Variants in UBXN2A observed in about 807,000 individuals in gnomAD.
UBXN2A encodes UBX domain protein 2A, also known as UBX domain-containing protein 2A.
Under a neutral mutation model 28.4 loss-of-function variants are expected in UBXN2A, and 28 were observed. The observed-to-expected ratio is 0.99, with a 90% CI of 0.73 to 1.35. UBXN2A has a LOEUF of 1.35. Among genes scored for constraint, UBXN2A ranks in the 40% most tolerant of loss-of-function variants. The probability of loss-of-function intolerance (pLI) is 0.00; values close to 1 mark genes in which losing one functional copy is unlikely to be tolerated. For synonymous variants in UBXN2A, 97 were observed against 103.6 expected, an observed-to-expected ratio of 0.94 and a Z score of 0.39; for missense variants, 253 against 297.9, an observed-to-expected ratio of 0.85 and a Z score of 1.11.
At position 23,930,938 on chromosome 2, in the gene UBXN2A, G is replaced by A. The variant is rs1705347771; in HGVS notation, c.-138+3323G>A. 2.0e-5 allele frequency among the ~76,000 whole-genome samples: 3 copies of A among 152,140 alleles called. No individual in the cohort carries two copies. In the East Asian group the frequency reaches 5.8e-4, roughly 29 times the overall value. On this transcript the variant is annotated intron_variant, in intron 1 of 7. Coordinates refer to the UBXN2A transcript ENST00000404924. The stretch of plus-strand genomic sequence containing the variant: ...TTCCAGTGCTTTGGGAGGTCAAGGT[G>A]GGTGGATCATGAGATCAGGAGTTCA...
chr2:23,928,230 GAA>G, intron 1 of UBXN2A, among the ~76,000 whole-genome samples: 2 of 149,378 alleles, frequency 1.3e-5, no homozygotes, highest in African/African-American at 2.5e-5. Flanking sequence ...AGGAAAGAAA[GAA>G]AGAAAAAGAA....
intron 2 of UBXN2A, 22 bp from the exon 3 acceptor site, chr2:23,971,254 T>C (rs746093264): frequency 2.0e-6 from 3 of 1,524,348 alleles, no homozygotes; most frequent in Non-Finnish European, 8.9e-7. Flanking sequence ...TAATAGTGCC[T>C]GTTTTTCTTT....
chr2:23,927,637 G>T (rs1051065693), intron 1 of UBXN2A: 1 of 126,174 alleles, frequency 7.9e-6, no homozygotes, highest in Non-Finnish European at 1.7e-5. Flanking sequence ...AAGAGAAGGG[G>T]GGGGGGAAAC....
intron 1 of UBXN2A, among the ~76,000 whole-genome samples, chr2:23,934,365 C>T (rs909182285): frequency 6.6e-6 from 1 of 152,182 alleles, no homozygotes; most frequent in Non-Finnish European, 1.5e-5. Context: ...TTGCTAGTAG[C>T]CAATGTGTTG....
chr2:23,999,229 G>T (rs777530229), intron 6 of UBXN2A, among the ~76,000 whole-genome samples: 10 of 152,232 alleles, frequency 6.6e-5, no homozygotes, highest in South Asian at 4.2e-4. Context: ...TGATACAATT[G>T]TGACAGCCTC....
chr2:23,955,708 G>T (rs1431891096), intron 1 of UBXN2A, among the ~76,000 whole-genome samples: 1 of 152,084 alleles, frequency 6.6e-6, no homozygotes, highest in Non-Finnish European at 1.5e-5. Flanking sequence ...ATGATATAAT[G>T]GTAACTATTT....
chr2:23,967,674 A>C (rs1257645867), intron 2 of UBXN2A, among the ~76,000 whole-genome samples: 1 of 152,198 alleles, frequency 6.6e-6, no homozygotes, highest in African/African-American at 2.4e-5. Flanking sequence ...TTTAGACAAT[A>C]TGCTATACTG....
chr2:23,963,292 G>T (rs563863206), intron 2 of UBXN2A, among the ~76,000 whole-genome samples: 1 of 151,816 alleles, frequency 6.6e-6, no homozygotes, highest in Non-Finnish European at 1.5e-5. Flanking sequence ...TGAGGCGGGC[G>T]GATCACGAGG....
chr2:23,935,456 A>T (rs1254650977), intron 1 of UBXN2A, among the ~76,000 whole-genome samples: 5 of 152,356 alleles, frequency 3.3e-5, no homozygotes, highest in South Asian at 4.1e-4. Context: ...CTCCAAAAAA[A>T]ATATACGAAT....
intron 5 of UBXN2A, among the ~76,000 whole-genome samples, chr2:23,984,354 A>C (rs1708037860): frequency 1.3e-5 from 2 of 152,180 alleles, no homozygotes; most frequent in Non-Finnish European, 2.9e-5. Context: ...TAACCTGGGC[A>C]GTAGGTAAAG....
At position 23,991,406 on chromosome 2, in the gene UBXN2A, TACACACACACAC is replaced by T. The variant is rs371442810; in HGVS notation, c.584+6589_584+6600del. Among the ~76,000 whole-genome samples, 1,093 of 148,520 alleles carry T rather than the reference TACACACACACAC, an allele frequency of 7.4e-3. 14 individuals carry two copies. The highest frequency in any genetic ancestry group is 0.024 in the African/African-American group (973 of 40,624). Reference sequence around the variant, plus strand: ...GCATGTGATTTTATATTTTATTTTATACACACACACACACACACACACACATATACATATATA... The same window carrying T: ...GCATGTGATTTTATATTTTATTTTATACACACACACACATATACATATATA... On this transcript the variant is annotated intron_variant, in intron 6 of 6. Coordinates refer to ENST00000309033, the MANE Select transcript of UBXN2A (RefSeq NM_181713.4).
chr2:23,977,252 G>C lies in UBXN2A; in HGVS notation c.287+177G>C, dbSNP rs1383618006. ...CAGCTACTCAGGATTGCTTGCACTTGGGAGACTGAGGCTACAGTGAGCCAT... is the reference window on the plus strand; with the variant it reads ...CAGCTACTCAGGATTGCTTGCACTTCGGAGACTGAGGCTACAGTGAGCCAT... On this transcript the variant is annotated intron_variant, in intron 4 of 6. Coordinates refer to ENST00000309033, the MANE Select transcript of UBXN2A (RefSeq NM_181713.4). The C allele has an allele frequency of 9.2e-6, 4 of 434,346 alleles. No individual in the cohort carries two copies. In the Admixed American group the frequency reaches 1.3e-4, roughly 14 times the overall value. The allele number at this position is 434,346 out of a possible 1,614,324, so 26.9% of individuals were successfully genotyped here. A position where few individuals can be genotyped will look rare whatever the true frequency, so the allele number is the denominator to read the frequency against.
intron 1 of UBXN2A, among the ~76,000 whole-genome samples, chr2:23,953,303 A>G (rs1706461967): frequency 6.6e-6 from 1 of 152,202 alleles, no homozygotes; most frequent in Non-Finnish European, 1.5e-5. Flanking sequence ...TGGAGAGAAC[A>G]GTAAACTCTC....
intron 1 of UBXN2A, among the ~76,000 whole-genome samples, chr2:23,949,741 G>T (rs930871758): frequency 1.3e-5 from 2 of 151,856 alleles, no homozygotes; most frequent in African/African-American, 4.8e-5. Flanking sequence ...CAGGCATGGT[G>T]GCACATGCCA....
intron 4 of UBXN2A, among the ~76,000 whole-genome samples, 178 bp from the exon 5 acceptor site, chr2:23,982,718 G>T (rs1707962704): frequency 6.6e-6 from 1 of 152,002 alleles, no homozygotes; most frequent in Non-Finnish European, 1.5e-5. Context: ...ATTCCTGTGG[G>T]TTTTTGGTAT....
rs1706207392 is a variant in UBXN2A, at chr2:23,948,542, A to G, written c.-15+7894A>G. ...TGCTGGGATTACAGGCGTGAGCTTG[A>G]AGATGTTTCTTACCAATCTCTATAA... is the stretch of plus-strand genomic sequence containing the variant. On this transcript the variant is annotated intron_variant, in intron 1 of 6. Transcript: ENST00000309033. Among the ~76,000 whole-genome samples the G allele has an allele frequency of 2.6e-5, 4 of 151,862 alleles. No individual in the cohort carries two copies. In the South Asian group the frequency reaches 6.2e-4, roughly 24 times the overall value.
intron 1 of UBXN2A, among the ~76,000 whole-genome samples, chr2:23,957,532 G>A (rs2150832663): frequency 6.6e-6 from 1 of 152,124 alleles, no homozygotes; most frequent in Non-Finnish European, 1.5e-5. Flanking sequence ...TTGAACTCCT[G>A]ACCTCAAGTG....
chr2:23,971,250 T>C (rs1233659145), intron 2 of UBXN2A, 26 bp from the exon 3 acceptor site: 2 of 1,515,682 alleles, frequency 1.3e-6, no homozygotes, highest in African/African-American at 1.4e-5. Flanking sequence ...TAGTTAATAG[T>C]GCCTGTTTTT....
intron 5 of UBXN2A, among the ~76,000 whole-genome samples, chr2:23,984,063 G>T (rs1204854659): frequency 6.6e-6 from 1 of 152,184 alleles, no homozygotes; most frequent in East Asian, 1.9e-4. Flanking sequence ...ATGAAAATCA[G>T]TGTCAGTATC....
Sources: gnomAD v4.1 joint callset for allele counts (sites outside exome capture counted in the v4.1 genomes callset) on GRCh38, gnomAD v4.1.1 for gene constraint, MANE v1.5 for transcripts, NCBI Gene and HGNC (gene_info 2026-07-23, HGNC 2026-07-21) for gene names.